The following PIP4K2C variants were observed in gnomAD, a reference collection of about 807,000 sequenced individuals.
PIP4K2C encodes the protein phosphatidylinositol 5-phosphate 4-kinase type-2 gamma.
A neutral mutation model predicts 45.0 loss-of-function variants in PIP4K2C; 21 were observed. That is an observed-to-expected ratio of 0.47 (90% CI 0.33 to 0.67). PIP4K2C has a LOEUF of 0.67. PIP4K2C is among the 30% of genes least tolerant of loss of function. PIP4K2C has a pLI of 0.02. For missense variants in PIP4K2C, 456 were observed against 542.8 expected, an observed-to-expected ratio of 0.84 and a Z score of 1.59; for synonymous variants, 201 against 204.8, an observed-to-expected ratio of 0.98 and a Z score of 0.16.
chr12:57,595,790 C>T (rs1565712642), intron 3 of PIP4K2C, 98 bp from the exon 4 acceptor site: 2 of 1,328,904 alleles, frequency 1.5e-6, no homozygotes, highest in Non-Finnish European at 2.1e-6. Flanking sequence ...AATCTCCTAC[C>T]CCAGGGATTC....
At chr12:57,591,529 C>A in intron 1 of PIP4K2C, 66 bp downstream of exon 1, 1 of 1,482,858 alleles carries the variant, frequency 6.7e-7, no homozygotes, top group Non-Finnish European at 9.0e-7. Flanking sequence ...GTCCCTGTTT[C>A]CAGGCTCCAG....
In PIP4K2C at chr12:57,601,521, C is replaced by T. The variant is rs1056139001; in HGVS notation, c.1186-5C>T. 5 of 1,611,542 alleles carry T rather than the reference C, an allele frequency of 3.1e-6. No individual in the cohort carries two copies. The African/African-American group carries it at 4.0e-5, about 13-fold the overall frequency. ...TGACATATTGTTCCGTATCTCCTCT[C>T]ACAGGCTGGGGCAGAGATCTCTACT... On this transcript the variant is annotated splice_polypyrimidine_tract_variant and splice_region_variant and intron_variant, in intron 9 of 9. Coordinates refer to ENST00000354947, the MANE Select transcript of PIP4K2C (RefSeq NM_024779.5).
chr12:57,600,498 CT>C, intron 7 of PIP4K2C, 61 bp downstream of exon 7: 1 of 1,152,420 alleles, frequency 8.7e-7, no homozygotes, highest in African/African-American at 1.5e-5. Context: ...GGGTAGTTGT[CT>C]CTTTCATTCA....
chr12:57,594,642 C>T (rs1051991272), intron 2 of PIP4K2C, among the ~76,000 whole-genome samples: 8 of 152,260 alleles, frequency 5.3e-5, no homozygotes, highest in African/African-American at 1.9e-4. Flanking sequence ...AGACAGTCTC[C>T]TCTTCTATAA....
chr12:57,600,754 G>C lies in PIP4K2C; in HGVS notation c.814-57G>C, dbSNP rs948274624. 5.0e-6 allele frequency: 8 copies of C among 1,601,328 alleles called. No individual in the cohort carries two copies. The African/African-American group carries it at 6.7e-5, about 13-fold the overall frequency. ...GAAATTCAAAGGTACAGGTACAGGG[G>C]TGATACCTAGCAGTGAAGAGTGAGA... On this transcript the variant is annotated intron_variant, in intron 7 of 9. Coordinates refer to ENST00000354947, the MANE Select transcript of PIP4K2C (RefSeq NM_024779.5).
Position 57,591,402 on chromosome 12 carries a change from T to G in PIP4K2C, c.113T>G (p.Val38Gly). ...TKKKHFVQQK[V>G]KVFRAADPLV... Reference sequence around the variant, plus strand: ...AAGAAGCATTTCGTGCAGCAGAAGGTGAAGGTGTTCCGGGCGGCCGACCCG... The same window carrying G: ...AAGAAGCATTTCGTGCAGCAGAAGGGGAAGGTGTTCCGGGCGGCCGACCCG... Residue 38 changes from valine (V) to glycine (G), a missense_variant, in exon 1 of 10, where the codon GTG becomes GGG. Val to Gly is a moderately radical substitution (Grantham distance 109). Transcript: ENST00000354947. 6.2e-7 allele frequency: 1 copy of G among 1,613,768 alleles called. No homozygotes were observed.
At chr12:57,600,784 G>GAGCA (rs1361901570) in intron 7 of PIP4K2C, 27 bp from the exon 8 acceptor site, 1 of 1,613,078 alleles carries the variant, frequency 6.2e-7, no homozygotes, top group Non-Finnish European at 8.5e-7. Flanking sequence ...GTGAGAGAGA[G>GAGCA]GTGTCTGATT....
At chr12:57,600,740 G>A (rs547645258) in intron 7 of PIP4K2C, 71 bp from the exon 8 acceptor site, 1 of 1,576,170 alleles carries the variant, frequency 6.3e-7, no homozygotes, top group African/African-American at 1.3e-5. Context: ...AAATTCAAAG[G>A]TACAGGTACA....
At chr12:57,592,039 C>G (rs1882985348) in intron 1 of PIP4K2C, among the ~76,000 whole-genome samples, 1 of 152,128 alleles carries the variant, frequency 6.6e-6, no homozygotes. Context: ...GCTACCCCAC[C>G]CTGAGCTAGA....
intron 6 of PIP4K2C, among the ~76,000 whole-genome samples, chr12:57,600,073 G>A (rs1883363335): frequency 6.6e-6 from 1 of 150,998 alleles, no homozygotes; most frequent in Non-Finnish European, 1.5e-5. Context: ...AAAAAAAGAG[G>A]AGAAAGAAAA....
Position 57,600,373 on chromosome 12 carries a change from A to G in PIP4K2C, c.749A>G (p.Gln250Arg). 1.2e-6 allele frequency: 2 copies of G among 1,611,402 alleles called. No homozygotes were observed. Among genetic ancestry groups the G allele is most frequent in the Non-Finnish European group, 1.7e-6 (2 of 1,177,538 alleles). ...LKDMDFLNKN[Q>R]KVYIGEEEKK... ...GATATGGACTTTCTCAACAAGAACC[A>G]GAAAGTATATATTGGTGAAGAGGAG... The change falls in exon 7 of 10, where the codon CAG becomes CGG. Residue 250 changes from glutamine (Q) to arginine (R), a missense_variant. Around this residue, in one of 2 missense-constraint regions of PIP4K2C, gnomAD observed 421 missense variants for 473.1 expected, o/e 0.89. Transcript: ENST00000354947.
chr12:57,597,965 A>G (rs1047620922), intron 4 of PIP4K2C: 3 of 152,238 alleles, frequency 2.0e-5, no homozygotes, highest in African/African-American at 7.2e-5. Context: ...CAGTGATTCA[A>G]CGTGTGAATG....
chr12:57,594,485 C>A (rs1479833072), intron 2 of PIP4K2C, among the ~76,000 whole-genome samples: 1 of 152,152 alleles, frequency 6.6e-6, no homozygotes, highest in Non-Finnish European at 1.5e-5. Flanking sequence ...AGATGCCATT[C>A]AAAACAGTGG....
intron 5 of PIP4K2C, 89 bp downstream of exon 5, chr12:57,599,300 T>TA: frequency 6.2e-7 from 1 of 1,605,816 alleles, no homozygotes; most frequent in Non-Finnish European, 8.5e-7. Context: ...TGATTCCTTT[T>TA]AAGGGAAAGA....
At chr12:57,593,637 T>A (rs1241088672) in intron 1 of PIP4K2C, among the ~76,000 whole-genome samples, 1 of 151,602 alleles carries the variant, frequency 6.6e-6, no homozygotes, top group Non-Finnish European at 1.5e-5. Flanking sequence ...TTTTTTTTCT[T>A]TTTCTAATGG....
intron 4 of PIP4K2C, among the ~76,000 whole-genome samples, chr12:57,598,365 CA>C (rs1280876915): frequency 1.3e-5 from 2 of 151,884 alleles, no homozygotes; most frequent in Non-Finnish European, 1.5e-5. Flanking sequence ...TACTAAAATA[CA>C]AAAAATTAGC....
chr12:57,591,996 C>T (rs1882983273), intron 1 of PIP4K2C, among the ~76,000 whole-genome samples: 1 of 152,204 alleles, frequency 6.6e-6, no homozygotes, highest in Non-Finnish European at 1.5e-5. Flanking sequence ...TTGTCCCTTC[C>T]TTTCCCTTCC....
At chr12:57,600,524 T>C (rs1228808462) in intron 7 of PIP4K2C, 87 bp downstream of exon 7, 3 of 928,968 alleles carry the variant, frequency 3.2e-6, no homozygotes, top group Non-Finnish European at 5.0e-6. Context: ...ATGAGGGAGC[T>C]CCTCCCCTTC....
At chr12:57,597,775 G>A (rs1455388629) in intron 4 of PIP4K2C, among the ~76,000 whole-genome samples, 1 of 152,142 alleles carries the variant, frequency 6.6e-6, no homozygotes, top group African/African-American at 2.4e-5. Context: ...ACAGAGAGGA[G>A]GGGAATCAGG....
Sources: gnomAD v4.1 joint callset for allele counts (sites outside exome capture counted in the v4.1 genomes callset) on GRCh38, gnomAD v4.1.1 for gene constraint, gnomAD v4.1.1 regional missense constraint, MANE v1.5 for transcripts, NCBI Gene and HGNC (gene_info 2026-07-23, HGNC 2026-07-21) for gene names.